The following PIGX variants were observed in gnomAD, a reference collection of about 807,000 sequenced individuals.
The protein encoded by PIGX is phosphatidylinositol glycan anchor biosynthesis class X, also known as GPI alpha-1,4-mannosyltransferase I, stabilizing subunit.
In PIGX, 24 loss-of-function variants were observed where a neutral mutation model predicts 28.7. That is an observed-to-expected ratio of 0.84 (90% CI 0.60 to 1.17). The LOEUF (loss-of-function observed/expected upper bound fraction) is 1.17. Ranked by LOEUF, PIGX falls within the 50% of genes most tolerant of loss-of-function variation. The pLI, the probability that PIGX is intolerant of heterozygous loss-of-function variation, is 0.00. For synonymous variants in PIGX, 127 were observed against 121.0 expected (o/e 1.05, Z -0.33); for missense variants, 305 against 317.8 (o/e 0.96, Z 0.31).
At chr3:196,712,821 G>C in intron 1 of PIGX, 177 bp downstream of exon 1, 1 of 1,101,018 alleles carries the variant, frequency 9.1e-7, no homozygotes, top group Non-Finnish European at 1.1e-6. Context: ...TTTGCTCTGC[G>C]GCGGATCCCG....
intron 2 of PIGX, among the ~76,000 whole-genome samples, chr3:196,720,520 T>C (rs1450138936): frequency 6.6e-6 from 1 of 152,212 alleles, no homozygotes; most frequent in African/African-American, 2.4e-5. Context: ...TTTACGGTTG[T>C]CTCTTAAATG....
At chr3:196,723,941 G>A (rs767581227) in intron 3 of PIGX, among the ~76,000 whole-genome samples, 5 of 150,918 alleles carry the variant, frequency 3.3e-5, no homozygotes, top group Non-Finnish European at 7.4e-5. Context: ...ATCAGCAAGT[G>A]TGTTCTCAGT....
intron 3 of PIGX, among the ~76,000 whole-genome samples, chr3:196,727,419 T>A (rs2108685365): frequency 6.6e-6 from 1 of 152,326 alleles, no homozygotes; most frequent in South Asian, 2.1e-4. Flanking sequence ...TTATACCGTC[T>A]CTAGAAAGAG....
intron 1 of PIGX, among the ~76,000 whole-genome samples, chr3:196,715,906 T>C (rs1276786829): frequency 6.6e-6 from 1 of 152,206 alleles, no homozygotes; most frequent in Admixed American, 6.5e-5. Context: ...TTCCCACAGA[T>C]TTACAGCTTT....
chr3:196,717,044 T>G (rs1712126026), intron 2 of PIGX, 123 bp downstream of exon 2: 1 of 610,590 alleles, frequency 1.6e-6, no homozygotes, highest in Non-Finnish European at 2.9e-6. Context: ...CTCTCATCTG[T>G]AATCCCAACA....
chr3:196,732,518 G>A (rs940147603), intron 5 of PIGX, among the ~76,000 whole-genome samples: 6 of 150,932 alleles, frequency 4.0e-5, no homozygotes, highest in African/African-American at 1.5e-4. Flanking sequence ...CTGACCTCAT[G>A]ATCCGCCTGC....
chr3:196,719,650 T>A (rs1712233911), intron 2 of PIGX, among the ~76,000 whole-genome samples: 1 of 152,230 alleles, frequency 6.6e-6, no homozygotes, highest in Admixed American at 6.5e-5. Context: ...TTTTCTATGC[T>A]GTTGTTATCA....
intron 3 of PIGX, among the ~76,000 whole-genome samples, chr3:196,727,408 T>C (rs1712566403): frequency 6.6e-6 from 1 of 152,196 alleles, no homozygotes; most frequent in Admixed American, 6.5e-5. Context: ...CCATTAACTG[T>C]TTATACCGTC....
chr3:196,716,562 G>A (rs868328716), intron 1 of PIGX, among the ~76,000 whole-genome samples: 1 of 152,112 alleles, frequency 6.6e-6, no homozygotes, highest in South Asian at 2.1e-4. Flanking sequence ...AAATTCTTAC[G>A]ACAGCTAGTA....
chr3:196,713,769 G>A (rs1265027021), intron 1 of PIGX, among the ~76,000 whole-genome samples: 3 of 151,190 alleles, frequency 2.0e-5, no homozygotes, highest in Admixed American at 2.0e-4. Context: ...CTAGGGAGGC[G>A]GAGGTTGCAG....
chr3:196,713,277 TTATC>T (rs1711915513), intron 1 of PIGX, among the ~76,000 whole-genome samples: 1 of 146,064 alleles, frequency 6.8e-6, no homozygotes, highest in Non-Finnish European at 1.5e-5. Flanking sequence ...GTTTTCAAGT[TTATC>T]TAAACAAAGG....
intron 2 of PIGX, among the ~76,000 whole-genome samples, chr3:196,717,125 G>A (rs56196731): frequency 1.3e-5 from 2 of 151,320 alleles, no homozygotes; most frequent in Admixed American, 6.6e-5. Flanking sequence ...ATAGTGAAAC[G>A]CTGTCTCTAC....
In PIGX at chr3:196,712,614, G is replaced by T. The variant is rs1006690546; in HGVS notation, c.82G>T (p.Ala28Ser). 9.3e-5 allele frequency: 111 copies of T among 1,190,026 alleles called. No homozygotes were observed. The African/African-American group carries it at 1.6e-3, about 17-fold the overall frequency. The allele number at this position is 1,190,026 out of a possible 1,614,324, so 73.7% of individuals were successfully genotyped here. ...GACCGGGCTCACGCGCGGGCCCGCC[G>T]CGGCCTTCACCGCCGCGCGCTCTGA... Residue 28 changes from alanine (A) to serine (S), a missense_variant, in exon 1 of 6, where the codon GCG becomes TCG. By Grantham distance (99) the Ala-to-Ser change is moderately conservative (BLOSUM62 1). Transcript: ENST00000392391.
At chr3:196,732,257 T>TG (rs1326451678) in intron 5 of PIGX, among the ~76,000 whole-genome samples, 1 of 36,166 alleles carries the variant, frequency 2.8e-5, no homozygotes, top group African/African-American at 1.3e-4. Context: ...TATATATATA[T>TG]TTTATTTTAT....
chr3:196,732,261 ATTTTATTT>A (rs1712828451), intron 5 of PIGX, among the ~76,000 whole-genome samples: 3 of 20,898 alleles, frequency 1.4e-4, no homozygotes, highest in African/African-American at 5.2e-4. Context: ...TATATATTTT[ATTTTATTT>A]TATTTTTTTT....
At chr3:196,718,597 A>G (rs958835618) in intron 2 of PIGX, among the ~76,000 whole-genome samples, 1 of 152,166 alleles carries the variant, frequency 6.6e-6, no homozygotes, top group Non-Finnish European at 1.5e-5. Flanking sequence ...TATCTTCTTG[A>G]AATATATCTG....
chr3:196,714,479 T>TTA (rs1553795492), intron 1 of PIGX, among the ~76,000 whole-genome samples: 2 of 149,210 alleles, frequency 1.3e-5, no homozygotes, highest in African/African-American at 5.0e-5. Flanking sequence ...TTTTTTTTTT[T>TTA]TTTGAGACGG....
intron 4 of PIGX, among the ~76,000 whole-genome samples, chr3:196,729,960 CT>C (rs1712681231): frequency 6.6e-6 from 1 of 151,318 alleles, no homozygotes; most frequent in Non-Finnish European, 1.5e-5. Flanking sequence ...ATCCCAGCTA[CT>C]TGGGAGGCTG....
intron 1 of PIGX, among the ~76,000 whole-genome samples, chr3:196,713,767 G>A (rs116666327): frequency 0.051 from 7,752 of 151,172 alleles, 253 homozygotes; most frequent in African/African-American, 0.083. Context: ...AACTAGGGAG[G>A]CGGAGGTTGC....
Sources: gnomAD v4.1 joint callset for allele counts (sites outside exome capture counted in the v4.1 genomes callset) on GRCh38, gnomAD v4.1.1 for gene constraint, MANE v1.5 for transcripts, NCBI Gene and HGNC (gene_info 2026-07-23, HGNC 2026-07-21) for gene names.